The following PPARGC1A variants were observed in gnomAD, a reference collection of about 807,000 sequenced individuals.
PPARGC1A encodes peroxisome proliferator-activated receptor gamma coactivator 1-alpha.
PPARGC1A carries 25 observed loss-of-function variants against 88.7 expected under a neutral mutation model. The observed-to-expected ratio is 0.28, with a 90% CI of 0.21 to 0.39. The LOEUF is 0.39. Ranked by LOEUF, PPARGC1A falls within the 10% of genes least tolerant of loss-of-function variation. The pLI, the probability that PPARGC1A is intolerant of heterozygous loss-of-function variation, is 1.00. For missense variants in PPARGC1A, 880 were observed against 968.7 expected, an observed-to-expected ratio of 0.91 and a Z score of 1.22; for synonymous variants, 363 against 355.6, an observed-to-expected ratio of 1.02 and a Z score of -0.24.
the PPARGC1A span, among the ~76,000 whole-genome samples, chr4:24,396,305 T>G: frequency 6.6e-5 from 10 of 152,188 alleles, no homozygotes; most frequent in South Asian, 1.9e-3. Context: ...GTTCAGTATA[T>G]GACTTACACA....
the PPARGC1A span, among the ~76,000 whole-genome samples, chr4:24,413,909 C>T: frequency 6.6e-6 from 1 of 152,108 alleles, no homozygotes; most frequent in East Asian, 1.9e-4. Flanking sequence ...GTCTTTAATC[C>T]TTACAACAAC....
At chr4:24,311,736 T>C in the PPARGC1A span, among the ~76,000 whole-genome samples, 1 of 151,658 alleles carries the variant, frequency 6.6e-6, no homozygotes, top group Non-Finnish European at 1.5e-5. Context: ...GGAATATAGA[T>C]CAATACATGT....
upstream of PPARGC1A, among the ~76,000 whole-genome samples, chr4:23,905,074 C>G (rs1228453778): frequency 6.6e-6 from 1 of 152,162 alleles, no homozygotes; most frequent in South Asian, 2.1e-4. Flanking sequence ...AAAAAACACT[C>G]GGAGTTCTTT....
chr4:24,427,282 A>T, the PPARGC1A span, among the ~76,000 whole-genome samples: 111 of 136,744 alleles, frequency 8.1e-4, 1 homozygote, highest in East Asian at 2.5e-3. Flanking sequence ...TTCTTTATTT[A>T]TTTTTTTTTT....
chr4:24,087,323 C>A, the PPARGC1A span, among the ~76,000 whole-genome samples: 2 of 152,144 alleles, frequency 1.3e-5, no homozygotes, highest in Non-Finnish European at 2.9e-5. Flanking sequence ...AACATTCATC[C>A]AGGGCTTATT....
the PPARGC1A span, among the ~76,000 whole-genome samples, chr4:24,324,294 C>G: frequency 2.0e-5 from 3 of 152,112 alleles, no homozygotes; most frequent in Non-Finnish European, 4.4e-5. Flanking sequence ...TCACCCTTAG[C>G]GGCAAGTCCC....
At chr4:23,910,242 T>C in the PPARGC1A span, among the ~76,000 whole-genome samples, 83 of 105,306 alleles carry the variant, frequency 7.9e-4, no homozygotes, top group Non-Finnish European at 1.2e-3. Flanking sequence ...ATATAATATA[T>C]ATAAATATAT....
chr4:23,814,246 T>C lies in PPARGC1A; in HGVS notation c.1237A>G (p.Lys413Glu). 1.2e-6 allele frequency: 2 copies of C among 1,614,070 alleles called. No individual in the cohort carries two copies. The highest frequency in any genetic ancestry group is 1.7e-6 in the Non-Finnish European group (2 of 1,179,966). ...ELQDSRQLENKDVSSDWQGQI... is the reference protein window; with the variant it reads ...ELQDSRQLENEDVSSDWQGQI... ...CCCTGCCAATCAGAGGAGACATCTTTATTTTCTAGTTGTCTAGAGTCTTGG... is the reference window on the plus strand; with the variant it reads ...CCCTGCCAATCAGAGGAGACATCTTCATTTTCTAGTTGTCTAGAGTCTTGG... The change falls in exon 8 of 13, where the codon AAA (lysine) becomes GAA (glutamate). Residue 413 changes from lysine (K) to glutamate (E), a missense_variant. By Grantham distance (56) the Lys-to-Glu change is moderately conservative. Transcript: ENST00000264867.
chr4:23,965,741 G>A, the PPARGC1A span, among the ~76,000 whole-genome samples: 1 of 152,124 alleles, frequency 6.6e-6, no homozygotes, highest in Non-Finnish European at 1.5e-5. Flanking sequence ...GAACCCAGGG[G>A]TCCTGATTCC....
At chr4:24,160,525 C>A in the PPARGC1A span, among the ~76,000 whole-genome samples, 6 of 152,290 alleles carry the variant, frequency 3.9e-5, no homozygotes, top group Non-Finnish European at 7.3e-5. Flanking sequence ...CTGCTGCATG[C>A]CTGGCTCTTC....
the PPARGC1A span, among the ~76,000 whole-genome samples, chr4:23,967,752 A>G: frequency 6.6e-6 from 1 of 151,946 alleles, no homozygotes; most frequent in Admixed American, 6.6e-5. Context: ...TCTTTTGAAT[A>G]TTGTAATGAG....
At chr4:24,469,784 C>T in the PPARGC1A span, among the ~76,000 whole-genome samples, 2 of 152,126 alleles carry the variant, frequency 1.3e-5, no homozygotes, top group Admixed American at 6.5e-5. Context: ...GGTAGTTTTC[C>T]TCTTTTTAAA....
chr4:23,923,731 A>G, the PPARGC1A span, among the ~76,000 whole-genome samples: 1 of 152,246 alleles, frequency 6.6e-6, no homozygotes, highest in East Asian at 1.9e-4. Flanking sequence ...ACCTCCTCAG[A>G]TGGAAAAGGA....
the PPARGC1A span, among the ~76,000 whole-genome samples, chr4:23,921,916 A>G: frequency 3.9e-5 from 6 of 152,358 alleles, no homozygotes; most frequent in Non-Finnish European, 7.3e-5. Context: ...CACGTTCTAC[A>G]TGGTCAAGCC....
At chr4:24,409,604 A>T in the PPARGC1A span, among the ~76,000 whole-genome samples, 1 of 152,200 alleles carries the variant, frequency 6.6e-6, no homozygotes, top group African/African-American at 2.4e-5. Flanking sequence ...TCTACCTACC[A>T]TGTAAATGAT....
At chr4:24,430,797 A>C in the PPARGC1A span, among the ~76,000 whole-genome samples, 1 of 152,156 alleles carries the variant, frequency 6.6e-6, no homozygotes. Flanking sequence ...ACATGGTATG[A>C]GTCTGAAGTA....
chr4:24,187,551 T>C, the PPARGC1A span, among the ~76,000 whole-genome samples: 1 of 152,194 alleles, frequency 6.6e-6, no homozygotes, highest in African/African-American at 2.4e-5. Context: ...CTTAGGTAAG[T>C]TTACTTAAAA....
At chr4:24,208,105 C>G in the PPARGC1A span, among the ~76,000 whole-genome samples, 2 of 151,880 alleles carry the variant, frequency 1.3e-5, no homozygotes, top group African/African-American at 2.4e-5. Context: ...ATAAAGAGAC[C>G]CTCTCTCTAG....
chr4:24,460,484 C>T, the PPARGC1A span, among the ~76,000 whole-genome samples: 88 of 152,298 alleles, frequency 5.8e-4, 1 homozygote, highest in African/African-American at 2.0e-3. Context: ...AACAATGAAG[C>T]AACCATTGTT....
Sources: gnomAD v4.1 joint callset for allele counts (sites outside exome capture counted in the v4.1 genomes callset) on GRCh38, gnomAD v4.1.1 for gene constraint, MANE v1.5 for transcripts, NCBI Gene and HGNC (gene_info 2026-07-23, HGNC 2026-07-21) for gene names.